Variants in NOXA1 observed in about 807,000 individuals in gnomAD.
The protein encoded by NOXA1 is NADPH oxidase activator 1.
In NOXA1, 56 loss-of-function variants were observed where a neutral mutation model predicts 64.8. The ratio of observed to expected loss-of-function variants is 0.86; its 90% confidence interval spans 0.70 to 1.08. The LOEUF (loss-of-function observed/expected upper bound fraction) is 1.08. Ranked by LOEUF, NOXA1 falls within the 50% of genes least tolerant of loss-of-function variation. NOXA1 has a pLI of 0.00. For synonymous variants in NOXA1, 295 were observed against 294.8 expected (o/e 1.00, Z -0.01); for missense variants, 668 against 658.5 (o/e 1.01, Z -0.16).
At chr9:137,426,022 C>T (rs1838833519) in intron 1 of NOXA1, among the ~76,000 whole-genome samples, 1 of 152,200 alleles carries the variant, frequency 6.6e-6, no homozygotes, top group Non-Finnish European at 1.5e-5. Context: ...CCTCAGTGGG[C>T]TCTGCGCCTT....
At chr9:137,432,509 G>C (rs1336827346) in intron 8 of NOXA1, among the ~76,000 whole-genome samples, 1 of 152,192 alleles carries the variant, frequency 6.6e-6, no homozygotes, top group African/African-American at 2.4e-5. Context: ...GAACCCAGGA[G>C]GCGGAGCTTA....
Position 137,424,185 on chromosome 9 carries a change from C to T in NOXA1, c.177+479C>T, listed in dbSNP as rs60882368. On this transcript the variant is annotated intron_variant, in intron 1 of 13. Transcript: ENST00000683555. ...TCCGGGGCCGCCTGTTCCTGCGCAT[C>T]CCAAACGCCAGCGCTGCCCACCCCC... Among the ~76,000 whole-genome samples the T allele has an allele frequency of 7.1e-3, 1,080 of 152,312 alleles. 11 individuals are homozygous for T. Among genetic ancestry groups the T allele is most frequent in the African/African-American group, 0.025 (1,038 of 41,572 alleles).
chr9:137,430,428 C>T (rs962359443), intron 5 of NOXA1, among the ~76,000 whole-genome samples: 4 of 152,228 alleles, frequency 2.6e-5, no homozygotes, highest in South Asian at 2.1e-4. Flanking sequence ...CGCTGCGCCA[C>T]GGCCGACTCC....
intron 1 of NOXA1, among the ~76,000 whole-genome samples, chr9:137,424,034 TCTC>T (rs1397848188): frequency 1.3e-5 from 2 of 151,932 alleles, no homozygotes; most frequent in Non-Finnish European, 2.9e-5. Flanking sequence ...ACCGGGTCAG[TCTC>T]CTCCTCAGAG....
At chr9:137,432,759 G>A (rs1839165696) in intron 8 of NOXA1, among the ~76,000 whole-genome samples, 1 of 152,206 alleles carries the variant, frequency 6.6e-6, no homozygotes, top group South Asian at 2.1e-4. Context: ...GGGTCACTGG[G>A]GAGCCCACCC....
chr9:137,423,957 T>C (rs1179565005), intron 1 of NOXA1, among the ~76,000 whole-genome samples: 1 of 152,098 alleles, frequency 6.6e-6, no homozygotes, highest in African/African-American at 2.4e-5. Flanking sequence ...GCTGCTGGGC[T>C]GGGTCAGGCC....
chr9:137,431,386 T>TGCGGAG lies in NOXA1; in HGVS notation c.804+47_804+48insGGAGGC. On this transcript the variant is annotated intron_variant, in intron 8 of 13. Transcript: ENST00000683555. This position sits in a 1 kb window ranked among gnomAD's most constrained non-coding sequence, Gnocchi z 5.6. ...TTCCCCTGCTGGGGGTCGGTGCTTC[T>TGCGGAG]GCTGCCTCCGCAGACTGGGGACCAC... The TGCGGAG allele has an allele frequency of 6.7e-7, 1 of 1,501,142 alleles. No individual in the cohort carries two copies. Among genetic ancestry groups the TGCGGAG allele is most frequent in the Non-Finnish European group, 9.2e-7 (1 of 1,090,490 alleles). 93.0% of individuals were successfully genotyped at this position (1,501,142 alleles called of 1,614,324 possible).
chr9:137,426,402 C>T (rs532029184), intron 2 of NOXA1, 72 bp downstream of exon 2: 26 of 1,205,526 alleles, frequency 2.2e-5, no homozygotes, highest in African/African-American at 7.4e-5. Context: ...CCTGCACCTC[C>T]TCCTCCTCCC....
At chr9:137,424,304 C>T (rs1838738898) in intron 1 of NOXA1, among the ~76,000 whole-genome samples, 2 of 152,256 alleles carry the variant, frequency 1.3e-5, no homozygotes, top group African/African-American at 4.8e-5. Flanking sequence ...GAACTGCGCG[C>T]TGTGGGAGGG....
At chr9:137,424,549 C>A (rs373104529) in intron 1 of NOXA1, among the ~76,000 whole-genome samples, 1 of 152,152 alleles carries the variant, frequency 6.6e-6, no homozygotes, top group East Asian at 1.9e-4. Flanking sequence ...AAGCAATTCT[C>A]CTGCCTCAGC....
intron 2 of NOXA1, among the ~76,000 whole-genome samples, chr9:137,427,598 G>A (rs764950489): frequency 7.2e-5 from 11 of 152,368 alleles, no homozygotes; most frequent in South Asian, 2.1e-4. Flanking sequence ...ACATCGGCGC[G>A]GGAAGCCCGC....
chr9:137,427,334 G>A (rs1413389194), intron 2 of NOXA1, among the ~76,000 whole-genome samples: 1 of 152,160 alleles, frequency 6.6e-6, no homozygotes, highest in Non-Finnish European at 1.5e-5. Context: ...TGTGCACCTG[G>A]CTTTATAACT....
chr9:137,426,640 A>G (rs1042228229), intron 2 of NOXA1, among the ~76,000 whole-genome samples: 1 of 152,038 alleles, frequency 6.6e-6, no homozygotes, highest in East Asian at 1.9e-4. Context: ...TCTCTGCTAG[A>G]CACTCACAGG....
At chr9:137,426,684 T>C (rs1838859414) in intron 2 of NOXA1, among the ~76,000 whole-genome samples, 1 of 152,166 alleles carries the variant, frequency 6.6e-6, no homozygotes, top group African/African-American at 2.4e-5. Flanking sequence ...TGTGGGGAAG[T>C]GGATCACAGT....
At position 137,428,910 on chromosome 9, in the gene NOXA1, G is replaced by A. The variant is rs1838964295; in HGVS notation, c.398G>A (p.Cys133Tyr). 1.9e-6 allele frequency: 3 copies of A among 1,592,214 alleles called. No homozygotes were observed. The highest frequency in any genetic ancestry group is 1.3e-5 in the African/African-American group (1 of 74,562). The change falls in exon 4 of 14, where the codon TGC becomes TAC. Residue 133 changes from cysteine (C) to tyrosine (Y), a missense_variant. By Grantham distance (194) the Cys-to-Tyr change is radical. Coordinates refer to ENST00000683555, the MANE Select transcript of NOXA1 (RefSeq NM_001256067.2). Reference sequence around the variant, plus strand: ...CTACACAATGTGGCGTCGGCACAGTGCCAGCTGGGGCTCTGGACAGAGGCG... The same window carrying A: ...CTACACAATGTGGCGTCGGCACAGTACCAGCTGGGGCTCTGGACAGAGGCG... ...EVLHNVASAQ[C>Y]QLGLWTEAAS...
At chr9:137,424,108 A>T (rs1190545038) in intron 1 of NOXA1, among the ~76,000 whole-genome samples, 2 of 152,038 alleles carry the variant, frequency 1.3e-5, no homozygotes, top group African/African-American at 4.8e-5. Context: ...GCCAGGGTGC[A>T]GCGGCCGAGG....
At position 137,428,943 on chromosome 9, in the gene NOXA1, G is replaced by A; in HGVS notation, c.431G>A (p.Ser144Asn). The change falls in exon 4 of 14, where the codon AGC becomes AAC. Residue 144 changes from serine (S) to asparagine (N), a missense_variant. Transcript: ENST00000683555. ...QLGLWTEAAS[S>N]LREAMSKWPE... ...GGGCTCTGGACAGAGGCGGCCAGCA[G>A]CCTAAGGGAGGCCATGTCCAAGTGG... 6.3e-7 allele frequency: 1 copy of A among 1,598,122 alleles called. No individual in the cohort carries two copies.
Position 137,423,715 on chromosome 9 carries a change from G to T in NOXA1, c.177+9G>T. ...CCGAGGCCGCGCTGCGGGTGAGCGG[G>T]GCGTGGGGAGGCCGGTGCGGGCGAC... On this transcript the variant is annotated intron_variant, in intron 1 of 13. Coordinates refer to ENST00000683555, the MANE Select transcript of NOXA1 (RefSeq NM_001256067.2). 7.9e-7 allele frequency: 1 copy of T among 1,269,656 alleles called. No homozygotes were observed. The allele number at this position is 1,269,656 out of a possible 1,614,324, so 78.6% of individuals were successfully genotyped here.
chr9:137,429,740 C>T (rs1256242033), intron 5 of NOXA1, among the ~76,000 whole-genome samples: 1 of 151,954 alleles, frequency 6.6e-6, no homozygotes, highest in Non-Finnish European at 1.5e-5. Context: ...TTGTGTCTCC[C>T]TGTGTCCCTG....
Sources: gnomAD v4.1 joint callset for allele counts (sites outside exome capture counted in the v4.1 genomes callset) on GRCh38, gnomAD v4.1.1 for gene constraint, Gnocchi (gnomAD v3.1) non-coding constraint, MANE v1.5 for transcripts, NCBI Gene and HGNC (gene_info 2026-07-23, HGNC 2026-07-21) for gene names.